ZMAT4: variants seen among roughly 807,000 people sequenced by gnomAD.
ZMAT4 encodes the protein zinc finger matrin-type protein 4.
ZMAT4 carries 17 observed loss-of-function variants against 28.7 expected under a neutral mutation model. That is an observed-to-expected ratio of 0.59 (90% CI 0.41 to 0.89). The LOEUF (loss-of-function observed/expected upper bound fraction) is 0.89. ZMAT4 is among the 40% of genes least tolerant of loss of function. The pLI, the probability that ZMAT4 is intolerant of heterozygous loss-of-function variation, is 0.00. For synonymous variants in ZMAT4, 117 were observed against 109.2 expected, an observed-to-expected ratio of 1.07 and a Z score of -0.44; for missense variants, 240 against 283.8, an observed-to-expected ratio of 0.85 and a Z score of 1.11.
chr8:40,867,439 C>T (rs1281012520), intron 1 of ZMAT4, among the ~76,000 whole-genome samples: 2 of 152,128 alleles, frequency 1.3e-5, no homozygotes, highest in African/African-American at 2.4e-5. Flanking sequence ...CAGGCCTCCC[C>T]AGTGGCTTCT....
intron 2 of ZMAT4, among the ~76,000 whole-genome samples, chr8:40,793,112 T>C (rs1338440413): frequency 3.9e-5 from 6 of 152,138 alleles, no homozygotes; most frequent in Non-Finnish European, 8.8e-5. Flanking sequence ...GATAATGATG[T>C]GTCCATGTGG....
At chr8:40,584,101 G>A (rs567745919) in intron 5 of ZMAT4, among the ~76,000 whole-genome samples, 5 of 152,182 alleles carry the variant, frequency 3.3e-5, no homozygotes, top group Admixed American at 1.3e-4. Context: ...TTGACATTTC[G>A]CTTGGCTTAG....
chr8:40,787,616 A>AGG (rs1814141540), intron 2 of ZMAT4, among the ~76,000 whole-genome samples: 2 of 152,188 alleles, frequency 1.3e-5, no homozygotes, highest in African/African-American at 4.8e-5. Flanking sequence ...CAGCAACACT[A>AGG]CTTTTGTGCT....
chr8:40,844,661 G>C (rs888102200), intron 1 of ZMAT4, among the ~76,000 whole-genome samples: 4 of 106,812 alleles, frequency 3.7e-5, no homozygotes, highest in African/African-American at 1.3e-4. Context: ...CTCATTCTGT[G>C]TGTGTGTGTG....
At chr8:40,732,327 G>A (rs1417886662) in intron 3 of ZMAT4, among the ~76,000 whole-genome samples, 1 of 152,172 alleles carries the variant, frequency 6.6e-6, no homozygotes, top group East Asian at 1.9e-4. Flanking sequence ...CCTGCAGCAG[G>A]TACTGGCAGG....
intron 4 of ZMAT4, among the ~76,000 whole-genome samples, chr8:40,680,875 G>A (rs2150479055): frequency 6.6e-6 from 1 of 152,088 alleles, no homozygotes; most frequent in South Asian, 2.1e-4. Context: ...GGATAGTGAA[G>A]TTTAATTCAT....
chr8:40,580,990 A>G (rs1804445842), intron 6 of ZMAT4, among the ~76,000 whole-genome samples, 175 bp downstream of exon 6: 1 of 152,210 alleles, frequency 6.6e-6, no homozygotes, highest in Admixed American at 6.5e-5. Flanking sequence ...TACTCATGCC[A>G]AATAAAGGGA....
intron 2 of ZMAT4, among the ~76,000 whole-genome samples, chr8:40,774,695 T>A (rs568188167): frequency 2.0e-5 from 3 of 150,316 alleles, no homozygotes; most frequent in Non-Finnish European, 4.4e-5. Flanking sequence ...TATATATATA[T>A]AATAAATATT....
At chr8:40,800,137 T>C (rs62643261) in intron 2 of ZMAT4, among the ~76,000 whole-genome samples, 2 of 152,116 alleles carry the variant, frequency 1.3e-5, no homozygotes, top group South Asian at 2.1e-4. Flanking sequence ...AGAAAAGTTA[T>C]CAAGGATAAA....
chr8:40,699,872 C>T (rs1810058550), intron 3 of ZMAT4, among the ~76,000 whole-genome samples: 1 of 152,244 alleles, frequency 6.6e-6, no homozygotes, highest in Non-Finnish European at 1.5e-5. Flanking sequence ...ATCTGTTCCA[C>T]CACTTCCAGT....
At chr8:40,767,546 T>C in intron 3 of ZMAT4, 95 bp downstream of exon 3, 2 of 995,266 alleles carry the variant, frequency 2.0e-6, no homozygotes, top group Non-Finnish European at 2.9e-6. Flanking sequence ...TCAGCTTTTC[T>C]ATGAATCTGG....
chr8:40,797,358 C>A (rs1814644405), intron 2 of ZMAT4, among the ~76,000 whole-genome samples: 1 of 152,326 alleles, frequency 6.6e-6, no homozygotes, highest in African/African-American at 2.4e-5. Context: ...ATGCCATTAC[C>A]CAGACAGTGC....
intron 5 of ZMAT4, among the ~76,000 whole-genome samples, chr8:40,582,577 C>T (rs1804527229): frequency 6.6e-6 from 1 of 152,152 alleles, no homozygotes. Flanking sequence ...GGACTGAAAG[C>T]TGTAGCATTT....
At chr8:40,712,713 C>G (rs1024443458) in intron 3 of ZMAT4, among the ~76,000 whole-genome samples, 1 of 152,148 alleles carries the variant, frequency 6.6e-6, no homozygotes, top group African/African-American at 2.4e-5. Context: ...GCCCTGTCTC[C>G]TAATGTTGGG....
chr8:40,814,003 G>A (rs974525558), intron 2 of ZMAT4, among the ~76,000 whole-genome samples: 1 of 152,240 alleles, frequency 6.6e-6, no homozygotes, highest in Non-Finnish European at 1.5e-5. Flanking sequence ...TCGGGGAGCA[G>A]GGGGCTGGGG....
chr8:40,572,515 TC>T (rs1424893668), intron 6 of ZMAT4, among the ~76,000 whole-genome samples: 1 of 152,164 alleles, frequency 6.6e-6, no homozygotes, highest in Non-Finnish European at 1.5e-5. Flanking sequence ...ATCCTTTATT[TC>T]TAGGTAACAT....
At chr8:40,545,209 T>C (rs142288156) in intron 6 of ZMAT4, among the ~76,000 whole-genome samples, 74 of 152,192 alleles carry the variant, frequency 4.9e-4, no homozygotes, top group African/African-American at 1.6e-3. Context: ...TCCCCCCTAG[T>C]TGAGCCTTAA....
At chr8:40,780,262 A>T (rs766579330) in intron 2 of ZMAT4, among the ~76,000 whole-genome samples, 1 of 152,160 alleles carries the variant, frequency 6.6e-6, no homozygotes, top group African/African-American at 2.4e-5. Context: ...TGCTCAGAAC[A>T]CTTACATTAG....
At chr8:40,793,579 C>T (rs1002558521) in intron 2 of ZMAT4, among the ~76,000 whole-genome samples, 11 of 152,210 alleles carry the variant, frequency 7.2e-5, no homozygotes, top group Non-Finnish European at 1.2e-4. Flanking sequence ...GTTTCTAAAG[C>T]TCTCGTGATG....
Sources: allele counts gnomAD v4.1 joint callset (sites outside exome capture counted in the v4.1 genomes callset), GRCh38; gene constraint gnomAD v4.1.1; transcripts MANE v1.5; gene names NCBI Gene and HGNC (gene_info 2026-07-23, HGNC 2026-07-21).